Variants in HSF2BP observed in about 807,000 individuals in gnomAD.
HSF2BP encodes the protein heat shock factor 2-binding protein.
A neutral mutation model predicts 35.0 loss-of-function variants in HSF2BP; 35 were observed. The ratio of observed to expected loss-of-function variants is 1.00; its 90% CI spans 0.76 to 1.32. The LOEUF is 1.32. Ranked by LOEUF, HSF2BP falls within the 40% of genes most tolerant of loss-of-function variation. The pLI, the probability that HSF2BP is intolerant of heterozygous loss-of-function variation, is 0.00. For missense variants in HSF2BP, 326 were observed against 321.7 expected, an observed-to-expected ratio of 1.01 and a Z score of -0.10; for synonymous variants, 114 against 117.4, an observed-to-expected ratio of 0.97 and a Z score of 0.18.
intron 3 of HSF2BP, among the ~76,000 whole-genome samples, chr21:43,653,443 A>G (rs1053895855): frequency 1.3e-5 from 2 of 151,610 alleles, no homozygotes; most frequent in Non-Finnish European, 2.9e-5. Context: ...GTAAAATGGA[A>G]ATAAAACCAT....
chr21:43,607,222 C>T (rs755914739), intron 7 of HSF2BP, among the ~76,000 whole-genome samples: 6 of 150,718 alleles, frequency 4.0e-5, no homozygotes, highest in African/African-American at 7.3e-5. Context: ...ATCAGCAGGT[C>T]GAGGCTGCAG....
At chr21:43,638,589 T>G (rs1036801431) in intron 4 of HSF2BP, among the ~76,000 whole-genome samples, 2 of 152,146 alleles carry the variant, frequency 1.3e-5, no homozygotes, top group Admixed American at 6.5e-5. Context: ...TGAAAATAAT[T>G]AGGTAAAAAT....
At chr21:43,576,026 G>T (rs1303388183) in intron 8 of HSF2BP, among the ~76,000 whole-genome samples, 5 of 151,828 alleles carry the variant, frequency 3.3e-5, no homozygotes, top group African/African-American at 1.2e-4. Flanking sequence ...GCTGAGGCAG[G>T]AGAATCCCTT....
rs1016511656 is a variant in HSF2BP at position 43,597,043 on chromosome 21, G to A, written c.693-4715C>T. Among the ~76,000 whole-genome samples the A allele has an allele frequency of 6.6e-6, 1 of 152,080 alleles. No individual in the cohort carries two copies. The highest frequency in any genetic ancestry group is 1.5e-5 in the Non-Finnish European group (1 of 68,016). On this transcript the variant is annotated intron_variant, in intron 7 of 8. Coordinates refer to ENST00000291560, the MANE Select transcript of HSF2BP (RefSeq NM_007031.2). This position sits in a 1 kb window ranked among gnomAD's most constrained non-coding sequence, Gnocchi z 4.3. ...CCACAGAGTCCAGGGTCACCAGGGT[G>A]GAAAGAAAGGGAAGAAGATACCTAG...
At chr21:43,624,191 G>GT in intron 6 of HSF2BP, among the ~76,000 whole-genome samples, 1 of 152,228 alleles carries the variant, frequency 6.6e-6, no homozygotes, top group South Asian at 2.1e-4. Flanking sequence ...ACAAATGCTC[G>GT]TATCAGCATT....
rs1214279036 is a variant in HSF2BP, at chr21:43,597,365, A to T, written c.693-5037T>A. Among the ~76,000 whole-genome samples the T allele has an allele frequency of 1.3e-5, 2 of 152,162 alleles. No homozygotes were observed. Among genetic ancestry groups the T allele is most frequent in the African/African-American group, 4.8e-5 (2 of 41,412 alleles). ...ACACATGCTATCAAATAAACACTGAACTAGCACAGCCGGCTAGGATGAGGA... is the reference window on the plus strand; with the variant it reads ...ACACATGCTATCAAATAAACACTGATCTAGCACAGCCGGCTAGGATGAGGA... On this transcript the variant is annotated intron_variant, in intron 7 of 8. Transcript: ENST00000291560. This position sits in a 1 kb window ranked among gnomAD's most constrained non-coding sequence, Gnocchi z 4.3.
chr21:43,572,131 TG>T (rs1324375494), intron 8 of HSF2BP, among the ~76,000 whole-genome samples: 1 of 151,728 alleles, frequency 6.6e-6, no homozygotes, highest in Non-Finnish European at 1.5e-5. Context: ...AGGCCAGGCT[TG>T]GGGGAGGAGA....
At position 43,659,165 on chromosome 21, in the gene HSF2BP, C is replaced by T. The variant is rs553667979; in HGVS notation, c.-225+221G>A. ...AATAACAAATAGTGGGGCGTGATGG[C>T]GCGCGCCTGTAGTCTCAGCTACTTG... On this transcript the variant is annotated intron_variant, in intron 1 of 8. Transcript: ENST00000291560. The surrounding 1 kb of genome is among the most constrained non-coding windows in gnomAD (Gnocchi z 4.2). Among the ~76,000 whole-genome samples the T allele has an allele frequency of 8.6e-5, 13 of 151,996 alleles. No individual in the cohort carries two copies. The highest frequency in any genetic ancestry group is 1.8e-4 in the Non-Finnish European group (12 of 68,020).
At chr21:43,586,996 A>T (rs2081859497) in intron 8 of HSF2BP, among the ~76,000 whole-genome samples, 1 of 152,184 alleles carries the variant, frequency 6.6e-6, no homozygotes, top group Admixed American at 6.5e-5. Context: ...AACCAAAGGA[A>T]TAGAAGAAGC....
At chr21:43,580,215 C>T (rs2081706941) in intron 8 of HSF2BP, among the ~76,000 whole-genome samples, 1 of 151,266 alleles carries the variant, frequency 6.6e-6, no homozygotes, top group Admixed American at 6.6e-5. Context: ...TGGACATTTC[C>T]ATTTGGATTT....
intron 8 of HSF2BP, among the ~76,000 whole-genome samples, chr21:43,585,119 C>A (rs1314888261): frequency 6.6e-6 from 1 of 151,912 alleles, no homozygotes; most frequent in Non-Finnish European, 1.5e-5. Flanking sequence ...CCAGCCTGGG[C>A]AACATAGTGA....
At chr21:43,616,585 G>T (rs2082273437) in intron 6 of HSF2BP, among the ~76,000 whole-genome samples, 1 of 152,114 alleles carries the variant, frequency 6.6e-6, no homozygotes, top group South Asian at 2.1e-4. Context: ...GGATGCTGCA[G>T]TAAGCCGAGA....
intron 3 of HSF2BP, among the ~76,000 whole-genome samples, chr21:43,653,463 G>GGA (rs146884736): frequency 0.041 from 6,230 of 152,216 alleles, 435 homozygotes; most frequent in African/African-American, 0.14. Flanking sequence ...TGTGTCTGAA[G>GGA]GAAGCATAGG....
chr21:43,616,845 G>A (rs1180810457), intron 6 of HSF2BP, among the ~76,000 whole-genome samples: 1 of 151,866 alleles, frequency 6.6e-6, no homozygotes. Context: ...GCAGGAGAAT[G>A]GTGTGAACCT....
chr21:43,628,129 A>G (rs2082411669), intron 6 of HSF2BP, among the ~76,000 whole-genome samples: 1 of 152,214 alleles, frequency 6.6e-6, no homozygotes. Flanking sequence ...TAATAACCCT[A>G]CAATGACCTC....
intron 8 of HSF2BP, among the ~76,000 whole-genome samples, chr21:43,576,983 C>T: frequency 6.6e-6 from 1 of 152,198 alleles, no homozygotes; most frequent in East Asian, 1.9e-4. Context: ...GTGCTGGGTA[C>T]TCTATGTAGG....
At chr21:43,658,448 G>A (rs2082911994) in intron 1 of HSF2BP, 128 bp from the exon 2 acceptor site, 1 of 285,352 alleles carries the variant, frequency 3.5e-6, no homozygotes, top group Non-Finnish European at 6.6e-6. Context: ...GTCTTTGCTG[G>A]AAACCTCGCC....
intron 2 of HSF2BP, among the ~76,000 whole-genome samples, chr21:43,657,137 G>A (rs1416206989): frequency 2.0e-5 from 3 of 152,186 alleles, no homozygotes; most frequent in Admixed American, 6.5e-5. Context: ...TTGGGAGGCC[G>A]AGGCGGGTGG....
intron 7 of HSF2BP, among the ~76,000 whole-genome samples, chr21:43,592,911 G>T (rs2146791473): frequency 6.6e-6 from 1 of 152,294 alleles, no homozygotes; most frequent in South Asian, 2.1e-4. Flanking sequence ...TGCAGAGTCT[G>T]ATGAAAGTCA....
Sources: gnomAD v4.1 joint callset for allele counts (sites outside exome capture counted in the v4.1 genomes callset) on GRCh38, gnomAD v4.1.1 for gene constraint, Gnocchi (gnomAD v3.1) non-coding constraint, MANE v1.5 for transcripts, NCBI Gene and HGNC (gene_info 2026-07-23, HGNC 2026-07-21) for gene names.